Variants in LRMDA observed in about 807,000 individuals in gnomAD.
The protein encoded by LRMDA is leucine-rich melanocyte differentiation-associated protein.
LRMDA carries 18 observed loss-of-function variants against 29.8 expected under a neutral mutation model. The observed-to-expected ratio is 0.60, with a 90% CI of 0.42 to 0.90. The LOEUF (loss-of-function observed/expected upper bound fraction) is 0.90. LRMDA is among the 40% of genes least tolerant of loss of function. LRMDA has a pLI of 0.00. For missense variants in LRMDA, 273 were observed against 273.9 expected, an observed-to-expected ratio of 1.00 and a Z score of 0.02; for synonymous variants, 125 against 109.4, an observed-to-expected ratio of 1.14 and a Z score of -0.89.
At chr10:75,665,466 G>A (rs1841810287) in intron 2 of LRMDA, among the ~76,000 whole-genome samples, 2 of 152,150 alleles carry the variant, frequency 1.3e-5, no homozygotes, top group African/African-American at 4.8e-5. Flanking sequence ...ACCATTGTAA[G>A]ATATGGTGGT....
At chr10:75,796,217 A>G (rs1255255933) in intron 2 of LRMDA, among the ~76,000 whole-genome samples, 2 of 152,206 alleles carry the variant, frequency 1.3e-5, no homozygotes, top group African/African-American at 4.8e-5. Context: ...AGGTTCCAGT[A>G]CAATGATGAA....
intron 2 of LRMDA, among the ~76,000 whole-genome samples, chr10:75,567,245 G>A (rs74147116): frequency 0.039 from 5,976 of 152,232 alleles, 388 homozygotes; most frequent in African/African-American, 0.14. Context: ...TTCAGCACAG[G>A]CATCAAGGCC....
intron 5 of LRMDA, among the ~76,000 whole-genome samples, chr10:76,276,006 AATCTATCT>A (rs3066426): frequency 0.031 from 4,518 of 146,798 alleles, 84 homozygotes; most frequent in African/African-American, 0.041. Context: ...CAATCTAGTG[AATCTATCT>A]ATCTATCTAT....
At chr10:75,520,625 C>T (rs1845345653) in intron 2 of LRMDA, among the ~76,000 whole-genome samples, 1 of 152,206 alleles carries the variant, frequency 6.6e-6, no homozygotes, top group African/African-American at 2.4e-5. Flanking sequence ...TGGGTTCGAA[C>T]ATCTTCCTTT....
intron 6 of LRMDA, among the ~76,000 whole-genome samples, chr10:76,478,348 T>C (rs1215320475): frequency 6.6e-6 from 1 of 152,110 alleles, no homozygotes; most frequent in East Asian, 1.9e-4. Flanking sequence ...CCCAATGAGA[T>C]ACCATCTCAC....
At chr10:75,926,797 C>G (rs1447613137) in intron 2 of LRMDA, among the ~76,000 whole-genome samples, 1 of 152,204 alleles carries the variant, frequency 6.6e-6, no homozygotes, top group East Asian at 1.9e-4. Flanking sequence ...ACTCAGTGGG[C>G]TGTTTCCTGA....
chr10:76,521,059 A>T (rs1843113981), intron 6 of LRMDA, among the ~76,000 whole-genome samples: 1 of 152,082 alleles, frequency 6.6e-6, no homozygotes, highest in South Asian at 2.1e-4. Context: ...ACTCTAGTGA[A>T]CTTACAATTT....
At chr10:76,534,116 C>G (rs1311291235) in intron 6 of LRMDA, among the ~76,000 whole-genome samples, 3 of 152,196 alleles carry the variant, frequency 2.0e-5, no homozygotes, top group African/African-American at 7.2e-5. Context: ...TGGCCCATAA[C>G]TCACAGTAAA....
chr10:76,368,617 A>G (rs1841419391), intron 6 of LRMDA, among the ~76,000 whole-genome samples: 1 of 152,158 alleles, frequency 6.6e-6, no homozygotes, highest in Non-Finnish European at 1.5e-5. Flanking sequence ...TGTTGAGTCC[A>G]TTTGTTCCAA....
chr10:76,410,574 GC>G (rs931259930), intron 6 of LRMDA, among the ~76,000 whole-genome samples: 1 of 152,020 alleles, frequency 6.6e-6, no homozygotes, highest in African/African-American at 2.4e-5. Context: ...TTCCCAAAGT[GC>G]TGGGATTATA....
At chr10:76,189,315 C>T (rs552438172) in intron 5 of LRMDA, among the ~76,000 whole-genome samples, 11 of 151,888 alleles carry the variant, frequency 7.2e-5, no homozygotes, top group South Asian at 4.2e-4. Flanking sequence ...TAAGATTGTG[C>T]GACTGCACTC....
intron 2 of LRMDA, among the ~76,000 whole-genome samples, chr10:75,941,704 G>A (rs1459951951): frequency 6.6e-6 from 1 of 152,110 alleles, no homozygotes. Context: ...GTAGCTTCAG[G>A]AAGCCCCCAA....
chr10:75,566,726 T>C (rs1046046788), intron 2 of LRMDA, among the ~76,000 whole-genome samples: 2 of 152,166 alleles, frequency 1.3e-5, no homozygotes, highest in African/African-American at 4.8e-5. Flanking sequence ...AATACAGACA[T>C]TTCCATTACT....
chr10:76,131,564 A>G (rs1269060677), intron 5 of LRMDA, among the ~76,000 whole-genome samples: 1 of 152,164 alleles, frequency 6.6e-6, no homozygotes, highest in African/African-American at 2.4e-5. Context: ...AGGCAATATT[A>G]TTCCATTTAT....
At chr10:76,487,982 A>G (rs1341839811) in intron 6 of LRMDA, among the ~76,000 whole-genome samples, 4 of 151,898 alleles carry the variant, frequency 2.6e-5, no homozygotes, top group Non-Finnish European at 5.9e-5. Flanking sequence ...CCATATACAG[A>G]ACCTAGAAAT....
intron 2 of LRMDA, among the ~76,000 whole-genome samples, chr10:76,029,343 G>A (rs191953144): frequency 6.6e-6 from 1 of 152,230 alleles, no homozygotes; most frequent in East Asian, 1.9e-4. Context: ...AAATACCAAG[G>A]CTATGAAAAA....
Position 76,110,568 on chromosome 10 carries a change from G to A in LRMDA, c.516+51785G>A, listed in dbSNP as rs972584176. Among the ~76,000 whole-genome samples the A allele has an allele frequency of 4.0e-5, 6 of 150,546 alleles. No individual in the cohort carries two copies. The South Asian group carries it at 1.2e-3, about 31-fold the overall frequency. On this transcript the variant is annotated intron_variant, in intron 5 of 6. Coordinates refer to ENST00000611255, the MANE Select transcript of LRMDA (RefSeq NM_001305581.2). ...ATTGTATCTCTCAGAATTCCCACAT[G>A]TTATGGGAGGGACCCACGGGGAGGT...
At chr10:76,058,245 T>C (rs1848647021) in intron 4 of LRMDA, among the ~76,000 whole-genome samples, 1 of 152,204 alleles carries the variant, frequency 6.6e-6, no homozygotes, top group Non-Finnish European at 1.5e-5. Flanking sequence ...TTATAGTCTA[T>C]GATACAGATG....
intron 5 of LRMDA, among the ~76,000 whole-genome samples, chr10:76,228,179 G>A (rs140672823): frequency 0.018 from 2,697 of 152,052 alleles, 81 homozygotes; most frequent in African/African-American, 0.062. Context: ...ACGCCACCAC[G>A]CCCAGCTAAT....
Sources: gnomAD v4.1 joint callset for allele counts (sites outside exome capture counted in the v4.1 genomes callset) on GRCh38, gnomAD v4.1.1 for gene constraint, MANE v1.5 for transcripts, NCBI Gene and HGNC (gene_info 2026-07-23, HGNC 2026-07-21) for gene names.